The following LETMD1 variants were observed in gnomAD, a reference collection of about 807,000 sequenced individuals.
LETMD1 encodes the protein LETM1 domain-containing protein 1.
A neutral mutation model predicts 43.9 loss-of-function variants in LETMD1; 30 were observed. The ratio of observed to expected loss-of-function variants is 0.68; its 90% CI spans 0.51 to 0.93. The LOEUF (loss-of-function observed/expected upper bound fraction) is 0.93. Ranked by LOEUF, LETMD1 falls within the 40% of genes least tolerant of loss-of-function variation. The probability of loss-of-function intolerance (pLI) is 0.00; values close to 1 mark genes in which losing one functional copy is unlikely to be tolerated. For missense variants in LETMD1, 413 were observed against 447.7 expected (o/e 0.92, Z 0.70); for synonymous variants, 176 against 163.1 (o/e 1.08, Z -0.60).
the LETMD1 span, chr12:51,068,020 T>C: frequency 6.5e-7 from 1 of 1,547,766 alleles, no homozygotes; most frequent in Non-Finnish European, 8.8e-7. Flanking sequence ...GGCATGCACC[T>C]CCTCAGTGAC....
chr12:51,063,635 A>G (rs971283083), downstream of LETMD1: 3 of 877,802 alleles, frequency 3.4e-6, no homozygotes, highest in Non-Finnish European at 3.4e-6. Context: ...AAAGACCCCA[A>G]TAAAATAACA....
chr12:51,064,747 A>C (rs1421553929), downstream of LETMD1: 3 of 1,304,440 alleles, frequency 2.3e-6, no homozygotes, highest in African/African-American at 1.5e-5. Context: ...GAGCTGGCAA[A>C]CAGGCAGTTG....
the LETMD1 span, among the ~76,000 whole-genome samples, chr12:51,067,082 C>T: frequency 9.9e-5 from 15 of 152,196 alleles, no homozygotes; most frequent in Admixed American, 3.9e-4. The surrounding 1 kb of genome is among the most constrained non-coding windows in gnomAD (Gnocchi z 4.1). Flanking sequence ...CTGCCTGCCT[C>T]GGCCTCCCAA....
chr12:51,052,705 C>T (rs538886918), intron 3 of LETMD1, among the ~76,000 whole-genome samples: 112 of 149,052 alleles, frequency 7.5e-4, no homozygotes, highest in South Asian at 2.1e-3. Flanking sequence ...CGTTTGAACC[C>T]GGGAGGCAGA....
Position 51,058,045 on chromosome 12 carries a change from G to A in LETMD1, c.929G>A (p.Arg310His), listed in dbSNP as rs766608722. The change falls in exon 8 of 9, where the codon CGT becomes CAT. Residue 310 changes from arginine to histidine, a missense_variant. Transcript: ENST00000262055. Reference sequence around the variant, plus strand: ...TGAGTGGTATAGGCTTGTTATCTCCGTGGCCTGAATTCTACGCATATTGGT... The same window carrying A: ...TGAGTGGTATAGGCTTGTTATCTCCATGGCCTGAATTCTACGCATATTGGT... ...AQEVKSACYL[R>H]GLNSTHIGED... The A allele has an allele frequency of 1.2e-5, 20 of 1,611,700 alleles. No individual in the cohort carries two copies. In the African/African-American group the frequency reaches 1.5e-4, roughly 12 times the overall value.
chr12:51,056,493 A>G lies in LETMD1; in HGVS notation c.906A>G (p.Glu302=), dbSNP rs757666943. Residue 302 remains glutamate (E), a synonymous_variant, in exon 7 of 9, where the codon GAA becomes GAG. Transcript: ENST00000262055. ...KLGIGQLTAQ[E]VKSACYLRGL... is the part of the protein sequence containing the mutation. ...GGATTGGCCAGCTGACTGCTCAGGA[A>G]GTAAAATCGGTAAGAGCTTGATTGC... The G allele has an allele frequency of 6.2e-7, 1 of 1,614,188 alleles. No individual in the cohort carries two copies. The highest frequency in any genetic ancestry group is 8.5e-7 in the Non-Finnish European group (1 of 1,180,042).
chr12:51,052,326 T>A, intron 3 of LETMD1, 119 bp downstream of exon 3: 1 of 1,236,204 alleles, frequency 8.1e-7, no homozygotes, highest in Non-Finnish European at 1.1e-6. Flanking sequence ...CCCTTTGCCG[T>A]GAGAACAAAA....
At chr12:51,068,949 C>T in the LETMD1 span, among the ~76,000 whole-genome samples, 7 of 152,030 alleles carry the variant, frequency 4.6e-5, no homozygotes, top group African/African-American at 9.7e-5. Context: ...AGCCCTTGGC[C>T]GAGAAAAAAT....
rs1948732350 is a variant in LETMD1 at position 51,060,189 on chromosome 12, A to G, written c.*758A>G. 1 of 152,760 alleles carries G rather than the reference A, an allele frequency of 6.5e-6. No individual in the cohort carries two copies. The highest frequency in any genetic ancestry group is 1.5e-5 in the Non-Finnish European group (1 of 68,156). 9.5% of individuals were successfully genotyped at this position (152,760 alleles called of 1,614,324 possible). A position where few individuals can be genotyped will look rare whatever the true frequency, so the allele number is the denominator to read the frequency against. ...AACTCTGCTGCCTCCACTGTGATGC[A>G]GCAGTCCAACTGTAACTGACAGTGG... On this transcript the variant is annotated 3_prime_UTR_variant, in exon 9 of 9. Coordinates refer to ENST00000262055, the MANE Select transcript of LETMD1 (RefSeq NM_015416.5).
chr12:51,065,872 C>T, the LETMD1 span, among the ~76,000 whole-genome samples: 1 of 152,000 alleles, frequency 6.6e-6, no homozygotes, highest in Non-Finnish European at 1.5e-5. Context: ...TATTTGTTAC[C>T]CAGCTAAAAA....
chr12:51,066,777 G>C, the LETMD1 span, among the ~76,000 whole-genome samples: 4 of 152,200 alleles, frequency 2.6e-5, no homozygotes, highest in Non-Finnish European at 5.9e-5. Flanking sequence ...AATTGGAGTA[G>C]AGGTACTGAA....
In LETMD1 at chr12:51,059,599, C is replaced by T. The variant is rs1948647842; in HGVS notation, c.*168C>T. 1.1e-5 allele frequency: 7 copies of T among 648,218 alleles called. No homozygotes were observed. Among genetic ancestry groups the T allele is most frequent in the Admixed American group, 6.6e-5 (3 of 45,672 alleles). 40.2% of individuals were successfully genotyped at this position (648,218 alleles called of 1,614,324 possible). A position where few individuals can be genotyped will look rare whatever the true frequency, so the allele number is the denominator to read the frequency against. On this transcript the variant is annotated 3_prime_UTR_variant, in exon 9 of 9. Coordinates refer to ENST00000262055, the MANE Select transcript of LETMD1 (RefSeq NM_015416.5). The stretch of plus-strand genomic sequence containing the variant: ...ATGGCACACATGTGGGAACTGCAGA[C>T]ATTCCTCTCACAGCTAGAACTGAAA...
intron 3 of LETMD1, 163 bp downstream of exon 3, chr12:51,052,370 A>G (rs1946411707): frequency 6.6e-6 from 5 of 759,354 alleles, no homozygotes; most frequent in Non-Finnish European, 1.0e-5. Flanking sequence ...ATTATTTGTA[A>G]GAATTGGGTT....
At chr12:51,067,940 C>A in the LETMD1 span, 1 of 1,614,108 alleles carries the variant, frequency 6.2e-7, no homozygotes, top group Non-Finnish European at 8.5e-7. This position sits in a 1 kb window ranked among gnomAD's most constrained non-coding sequence, Gnocchi z 4.1. Context: ...CATCAGCCTC[C>A]ACCGACTCCA....
At position 51,048,472 on chromosome 12, in the gene LETMD1, C is replaced by T. The variant is rs1329884802; in HGVS notation, c.116C>T (p.Ala39Val). 1.2e-6 allele frequency: 2 copies of T among 1,613,350 alleles called. No homozygotes were observed. Among genetic ancestry groups the T allele is most frequent in the Non-Finnish European group, 1.7e-6 (2 of 1,179,998 alleles). ...GGTCGCTCTGGCCTGGCTTGGGGGG[C>T]CCCTCGGTGAGGGACCTGTAGCGAG... ...QLGRSGLAWGAPRSSKLHLSP... is the reference protein window; with the variant it reads ...QLGRSGLAWGVPRSSKLHLSP... The change falls in exon 1 of 9, where the codon GCC becomes GTC. Residue 39 changes from alanine to valine, a missense_variant. Ala to Val is a moderately conservative substitution (Grantham distance 64, BLOSUM62 0). Coordinates refer to ENST00000262055, the MANE Select transcript of LETMD1 (RefSeq NM_015416.5).
At chr12:51,063,846 CGGAAGG>C (rs781477255), downstream of LETMD1, 3 of 1,613,724 alleles carry the variant, frequency 1.9e-6, no homozygotes, top group African/African-American at 1.3e-5. Context: ...ATTGTCCGTG[CGGAAGG>C]GGAGGCTTGA....
the LETMD1 span, chr12:51,068,055 G>A: frequency 7.7e-7 from 1 of 1,293,474 alleles, no homozygotes; most frequent in Non-Finnish European, 1.1e-6. Context: ...ACTGTCCCTT[G>A]AACCTTCTGC....
In LETMD1 at chr12:51,049,108, C is replaced by G. The variant is rs558827611; in HGVS notation, c.197C>G (p.Ala66Gly). ...LMSYVVTKTK[A>G]INGKYHRFLG... ...TCTTATGTGGTAACCAAGACAAAAG[C>G]GATTAATGGGAAATACCATCGTTTC... Residue 66 changes from alanine to glycine, a missense_variant, in exon 2 of 9, where the codon GCG (alanine) becomes GGG (glycine). Ala to Gly is a moderately conservative substitution (Grantham distance 60). Transcript: ENST00000262055. 1.3e-4 allele frequency: 210 copies of G among 1,613,672 alleles called. 3 individuals are homozygous for G. The South Asian group carries it at 2.2e-3, about 17-fold the overall frequency.
intron 8 of LETMD1, 63 bp from the exon 9 acceptor site, chr12:51,059,298 A>G (rs1566152169): frequency 1.4e-6 from 2 of 1,443,366 alleles, no homozygotes; most frequent in South Asian, 1.1e-5. Context: ...GGCTTAAGCC[A>G]TATATAACAA....
Sources: gnomAD v4.1 joint callset for allele counts (sites outside exome capture counted in the v4.1 genomes callset) on GRCh38, gnomAD v4.1.1 for gene constraint, Gnocchi (gnomAD v3.1) non-coding constraint, MANE v1.5 for transcripts, NCBI Gene and HGNC (gene_info 2026-07-23, HGNC 2026-07-21) for gene names.